Variants in ZNF469 observed in about 807,000 individuals in gnomAD.
ZNF469 encodes zinc finger protein 469.
A neutral mutation model predicts 1.0 loss-of-function variants in ZNF469; 1 was observed. That is an observed-to-expected ratio of 1.00 (90% CI 0.35 to 4.73). ZNF469 has a LOEUF of 4.73. Ranked by LOEUF, ZNF469 falls within the 30% of genes most tolerant of loss-of-function variation. ZNF469 has a pLI of 0.16. For missense variants in ZNF469, 6,100 were observed against 5,356.3 expected (o/e 1.14, Z -4.33); for synonymous variants, 2,703 against 2,363.4 (o/e 1.14, Z -4.17).
chr16:88,415,666 A>G (rs1054120049), intron 1 of ZNF469, among the ~76,000 whole-genome samples: 2 of 152,166 alleles, frequency 1.3e-5, no homozygotes, highest in African/African-American at 4.8e-5. Flanking sequence ...AGGAGCAGGG[A>G]GAGCGCCCGG....
At chr16:88,166,987 T>C in the ZNF469 span, among the ~76,000 whole-genome samples, 1 of 151,200 alleles carries the variant, frequency 6.6e-6, no homozygotes, top group Non-Finnish European at 1.5e-5. This position sits in a 1 kb window ranked among gnomAD's most constrained non-coding sequence, Gnocchi z 4.5. Flanking sequence ...GCAGGACTCT[T>C]GGGCGGAATC....
chr16:88,204,221 C>T, the ZNF469 span, among the ~76,000 whole-genome samples: 169 of 143,322 alleles, frequency 1.2e-3, no homozygotes, highest in Non-Finnish European at 2.0e-3. Context: ...AAGCGGGAGG[C>T]GCCCCGTAAC....
At chr16:88,246,317 T>C in the ZNF469 span, among the ~76,000 whole-genome samples, 1 of 152,248 alleles carries the variant, frequency 6.6e-6, no homozygotes, top group Non-Finnish European at 1.5e-5. Flanking sequence ...ACCAGTTCCA[T>C]CTTCAGGAAA....
chr16:88,112,489 G>A, the ZNF469 span, among the ~76,000 whole-genome samples: 7 of 152,206 alleles, frequency 4.6e-5, no homozygotes, highest in Non-Finnish European at 8.8e-5. Flanking sequence ...ACCGGGGTGA[G>A]GTGATGTCTC....
chr16:88,322,482 G>A, the ZNF469 span, among the ~76,000 whole-genome samples: 1 of 152,254 alleles, frequency 6.6e-6, no homozygotes, highest in Non-Finnish European at 1.5e-5. Context: ...ACCCATGGCA[G>A]TGGGGAGCCA....
chr16:88,436,025 T>C lies in ZNF469; in HGVS notation c.8555T>C (p.Leu2852Ser). The change falls in exon 3 of 3, where the codon TTG becomes TCG. Residue 2852 changes from leucine to serine, a missense_variant. Leu to Ser is a moderately radical substitution (Grantham distance 145). Coordinates refer to ENST00000565624, the MANE Select transcript of ZNF469 (RefSeq NM_001367624.2). ...SGSSAKDPPS[L>S]FDDEVSFSQL... ...TCCAGTGCCAAGGATCCTCCAAGCT[T>C]GTTTGATGATGAGGTCTCTTTCTCC... 6.5e-7 allele frequency: 1 copy of C among 1,550,262 alleles called. No homozygotes were observed. Among genetic ancestry groups the C allele is most frequent in the East Asian group, 2.4e-5 (1 of 40,922 alleles).
chr16:88,433,634 C>T lies in ZNF469; in HGVS notation c.6164C>T (p.Thr2055Ile). The T allele has an allele frequency of 6.5e-7, 1 of 1,550,272 alleles. No individual in the cohort carries two copies. The highest frequency in any genetic ancestry group is 1.7e-4 in the Middle Eastern group (1 of 5,992). Residue 2055 changes from threonine (T) to isoleucine (I), a missense_variant, in exon 3 of 3, where the codon ACC becomes ATC. By Grantham distance (89) the Thr-to-Ile change is moderately conservative. Transcript: ENST00000565624. ...AMSLQEEAEP[T>I]PSPPSPNRES... ...AGCCTTCAGGAGGAGGCCGAGCCCA[C>T]CCCAAGCCCCCCGTCCCCTAATAGG... is the stretch of plus-strand genomic sequence containing the variant.
chr16:88,123,004 A>G, the ZNF469 span, among the ~76,000 whole-genome samples: 2 of 152,006 alleles, frequency 1.3e-5, no homozygotes, highest in Non-Finnish European at 2.9e-5. Flanking sequence ...TGCAATTGTT[A>G]TATTTTTGAT....
At chr16:88,263,759 G>A in the ZNF469 span, among the ~76,000 whole-genome samples, 8 of 152,112 alleles carry the variant, frequency 5.3e-5, no homozygotes, top group African/African-American at 1.7e-4. Context: ...TGCAGACACC[G>A]CCTCTCCCAT....
the ZNF469 span, among the ~76,000 whole-genome samples, chr16:88,118,423 C>G: frequency 6.6e-6 from 1 of 152,200 alleles, no homozygotes; most frequent in East Asian, 1.9e-4. Flanking sequence ...AAAGGAGGCA[C>G]AAGAGTCTCA....
the ZNF469 span, among the ~76,000 whole-genome samples, chr16:88,299,284 G>T: frequency 1.3e-5 from 2 of 150,008 alleles, no homozygotes; most frequent in African/African-American, 2.5e-5. Context: ...TGCAGCAGGC[G>T]AGGGCTTCCT....
rs919081661 is a variant in ZNF469 at position 88,428,945 on chromosome 16, G to C, written c.1475G>C (p.Arg492Pro). ...TGGCCCCAAGTGCTCCCGACCGCCC[G>C]GCCAAGTCCCCACGGAATGGAGATG... ...LPWPQVLPTARPSPHGMEMLS... is the reference protein window; with the variant it reads ...LPWPQVLPTAPPSPHGMEMLS... Residue 492 changes from arginine to proline, a missense_variant, in exon 3 of 3, where the codon CGG becomes CCG. Coordinates refer to ENST00000565624, the MANE Select transcript of ZNF469 (RefSeq NM_001367624.2). 6.5e-7 allele frequency: 1 copy of C among 1,547,072 alleles called. No individual in the cohort carries two copies. Among genetic ancestry groups the C allele is most frequent in the Non-Finnish European group, 8.7e-7 (1 of 1,145,884 alleles).
the ZNF469 span, among the ~76,000 whole-genome samples, chr16:88,140,912 G>C: frequency 6.6e-6 from 1 of 152,166 alleles, no homozygotes; most frequent in Non-Finnish European, 1.5e-5. Context: ...CAGCCTGGGT[G>C]ACAGAAGGAG....
chr16:88,437,214 C>T lies in ZNF469; in HGVS notation c.9744C>T (p.Ala3248=). The change falls in exon 3 of 3, where the codon GCC becomes GCT. Residue 3248 remains alanine, a synonymous_variant. Transcript: ENST00000565624. ...GGGGCAAGCGCTCCGCCGGCAAGGC[C>T]GCCGGGAGCCCGGGAGACCCGTGGG... ...HHRGKRSAGK[A]AGSPGDPWGQ... is the part of the protein sequence containing the mutation. 2 of 1,549,428 alleles carry T rather than the reference C, an allele frequency of 1.3e-6. No individual in the cohort carries two copies. Among genetic ancestry groups the T allele is most frequent in the African/African-American group, 1.4e-5 (1 of 73,150 alleles).
the ZNF469 span, among the ~76,000 whole-genome samples, chr16:88,198,813 C>T: frequency 6.6e-6 from 1 of 152,234 alleles, no homozygotes; most frequent in Non-Finnish European, 1.5e-5. Flanking sequence ...AGAGCGATGG[C>T]TCTGCTGGTC....
At chr16:88,305,295 CGCACACCCTCACAT>C in the ZNF469 span, among the ~76,000 whole-genome samples, 1 of 140,448 alleles carries the variant, frequency 7.1e-6, no homozygotes, top group African/African-American at 2.5e-5. Flanking sequence ...CACACACACA[CGCACACCCTCACAT>C]GCACACACAC....
chr16:88,366,834 A>G, the ZNF469 span, among the ~76,000 whole-genome samples: 1 of 149,880 alleles, frequency 6.7e-6, no homozygotes, highest in South Asian at 2.1e-4. Context: ...CNCCATAACC[A>G]TCATCATTAC....
chr16:88,193,070 TG>T, the ZNF469 span, among the ~76,000 whole-genome samples: 2 of 111,300 alleles, frequency 1.8e-5, no homozygotes, highest in African/African-American at 3.4e-5. Context: ...GTGGTGATGG[TG>T]GTGGTGGTGA....
chr16:88,321,088 G>T, the ZNF469 span, among the ~76,000 whole-genome samples: 22 of 152,250 alleles, frequency 1.4e-4, no homozygotes, highest in Non-Finnish European at 3.1e-4. Flanking sequence ...GTCCCAGGTT[G>T]ACCAGGCTGC....
Sources: gnomAD v4.1 joint callset for allele counts (sites outside exome capture counted in the v4.1 genomes callset) on GRCh38, gnomAD v4.1.1 for gene constraint, Gnocchi (gnomAD v3.1) non-coding constraint, MANE v1.5 for transcripts, NCBI Gene and HGNC (gene_info 2026-07-23, HGNC 2026-07-21) for gene names.